MIS18A: variants seen among roughly 807,000 people sequenced by gnomAD.
MIS18A encodes MIS18 kinetochore protein A, also known as protein Mis18-alpha.
Under a neutral mutation model 25.0 loss-of-function variants are expected in MIS18A, and 14 were observed. The ratio of observed to expected loss-of-function variants is 0.56; its 90% CI spans 0.37 to 0.88. The LOEUF (loss-of-function observed/expected upper bound fraction) is 0.88. MIS18A is among the 40% of genes least tolerant of loss of function. MIS18A has a pLI of 0.00. For missense variants in MIS18A, 292 were observed against 290.8 expected (o/e 1.00, Z -0.03); for synonymous variants, 134 against 118.6 (o/e 1.13, Z -0.84).
the MIS18A span, among the ~76,000 whole-genome samples, chr21:32,207,391 A>G: frequency 2.0e-5 from 3 of 152,188 alleles, no homozygotes; most frequent in African/African-American, 7.2e-5. Context: ...GGAAATGTTA[A>G]ATTTTTTTAT....
the MIS18A span, among the ~76,000 whole-genome samples, chr21:32,166,973 G>T: frequency 6.6e-6 from 1 of 152,120 alleles, no homozygotes; most frequent in Admixed American, 6.6e-5. Flanking sequence ...TGATGGGCTC[G>T]AGAGTAATTC....
At chr21:32,175,073 C>A in the MIS18A span, among the ~76,000 whole-genome samples, 1 of 152,174 alleles carries the variant, frequency 6.6e-6, no homozygotes, top group South Asian at 2.1e-4. Flanking sequence ...GTATAACCTA[C>A]TACACACCTA....
chr21:32,250,870 C>A, the MIS18A span, among the ~76,000 whole-genome samples: 1 of 152,162 alleles, frequency 6.6e-6, no homozygotes, highest in Non-Finnish European at 1.5e-5. Context: ...GTGCCCCCAC[C>A]CAAACCTCAC....
the MIS18A span, among the ~76,000 whole-genome samples, chr21:32,222,888 T>C: frequency 2.0e-5 from 3 of 147,302 alleles, no homozygotes; most frequent in African/African-American, 7.6e-5. Context: ...TGAGCTGAGA[T>C]TGCGCTACTG....
At chr21:32,250,763 C>G in the MIS18A span, among the ~76,000 whole-genome samples, 1 of 152,188 alleles carries the variant, frequency 6.6e-6, no homozygotes, top group Non-Finnish European at 1.5e-5. Flanking sequence ...ATGAGAAAGC[C>G]CAATAGAATC....
chr21:32,263,468 G>T (rs901439052), downstream of MIS18A, among the ~76,000 whole-genome samples: 2 of 152,174 alleles, frequency 1.3e-5, no homozygotes, highest in Non-Finnish European at 2.9e-5. Flanking sequence ...AGGCGTGGTG[G>T]CACGCGCCTG....
chr21:32,157,564 G>A, the MIS18A span, among the ~76,000 whole-genome samples: 1 of 151,898 alleles, frequency 6.6e-6, no homozygotes, highest in South Asian at 2.1e-4. Context: ...GAAGCTAAAT[G>A]ATACCAATCT....
chr21:32,270,493 G>A lies in MIS18A; in HGVS notation c.438C>T (p.Leu146=), dbSNP rs769500185. The A allele has an allele frequency of 1.9e-6, 3 of 1,607,182 alleles. No individual in the cohort carries two copies. Among genetic ancestry groups the A allele is most frequent in the East Asian group, 2.2e-5 (1 of 44,562 alleles). ...TGCATCTGTACACGTAGCCAAGATTGAGTGAGCACCCCGCGCAGCACAAAG... is the reference window on the plus strand; with the variant it reads ...TGCATCTGTACACGTAGCCAAGATTAAGTGAGCACCCCGCGCAGCACAAAG... ...LETLCCAGCS[L]NLGYVYRCTP... The change falls in exon 3 of 5, where the codon CTC becomes CTT. Residue 146 remains leucine, a synonymous_variant. Coordinates refer to ENST00000290130, the MANE Select transcript of MIS18A (RefSeq NM_018944.3).
the MIS18A span, among the ~76,000 whole-genome samples, chr21:32,184,987 A>T: frequency 6.6e-6 from 1 of 151,592 alleles, no homozygotes; most frequent in African/African-American, 2.4e-5. Flanking sequence ...CAGGATATCC[A>T]CTTCACAGGT....
At chr21:32,172,789 G>T in the MIS18A span, among the ~76,000 whole-genome samples, 1 of 152,226 alleles carries the variant, frequency 6.6e-6, no homozygotes, top group East Asian at 1.9e-4. Context: ...AGAATTGGGA[G>T]TTCAAAAATA....
chr21:32,258,859 T>C, the MIS18A span, among the ~76,000 whole-genome samples: 1 of 122,960 alleles, frequency 8.1e-6, no homozygotes, highest in South Asian at 2.9e-4. Flanking sequence ...TATTTATTTA[T>C]TTATTTATTT....
At chr21:32,231,520 A>G in the MIS18A span, among the ~76,000 whole-genome samples, 2 of 152,184 alleles carry the variant, frequency 1.3e-5, no homozygotes, top group Admixed American at 1.3e-4. Context: ...GATGGCTAGA[A>G]TCTAAAAGAC....
At chr21:32,209,948 G>C in the MIS18A span, among the ~76,000 whole-genome samples, 1 of 152,148 alleles carries the variant, frequency 6.6e-6, no homozygotes, top group Non-Finnish European at 1.5e-5. Context: ...TGTCTTTATA[G>C]CAGCAGGAGA....
the MIS18A span, among the ~76,000 whole-genome samples, chr21:32,167,056 A>C: frequency 2.0e-5 from 3 of 152,180 alleles, no homozygotes. Flanking sequence ...CCTGAATCTA[A>C]AAGAAAAAAA....
chr21:32,154,855 G>A, the MIS18A span, among the ~76,000 whole-genome samples: 1 of 152,132 alleles, frequency 6.6e-6, no homozygotes, highest in Admixed American at 6.5e-5. Context: ...AAGGGTTGTG[G>A]ACAGCCATTT....
At chr21:32,173,253 A>T in the MIS18A span, among the ~76,000 whole-genome samples, 118 of 152,314 alleles carry the variant, frequency 7.7e-4, no homozygotes, top group Middle Eastern at 6.8e-3. Flanking sequence ...CCACAATAAG[A>T]TACCACTTAT....
At chr21:32,202,703 C>A in the MIS18A span, among the ~76,000 whole-genome samples, 1 of 152,196 alleles carries the variant, frequency 6.6e-6, no homozygotes, top group Non-Finnish European at 1.5e-5. Context: ...ACTCTGGAGA[C>A]TTTACCTAAG....
At chr21:32,207,339 C>T in the MIS18A span, among the ~76,000 whole-genome samples, 20 of 152,214 alleles carry the variant, frequency 1.3e-4, no homozygotes, top group East Asian at 1.9e-3. Context: ...TGAGGGGAGA[C>T]GATGGTGGGT....
chr21:32,269,621 G>T, intron 4 of MIS18A, 86 bp downstream of exon 4: 1 of 771,062 alleles, frequency 1.3e-6, no homozygotes. Flanking sequence ...CACAGATGAC[G>T]TTATGAGAAT....
Sources: gnomAD v4.1 joint callset for allele counts (sites outside exome capture counted in the v4.1 genomes callset) on GRCh38, gnomAD v4.1.1 for gene constraint, MANE v1.5 for transcripts, NCBI Gene and HGNC (gene_info 2026-07-23, HGNC 2026-07-21) for gene names.